The following BTD variants were observed in gnomAD, a reference collection of about 807,000 sequenced individuals.
BTD encodes biocytinase.
A neutral mutation model predicts 17.7 loss-of-function variants in BTD; 13 were observed. The ratio of observed to expected loss-of-function variants is 0.74; its 90% CI spans 0.48 to 1.17. The LOEUF (loss-of-function observed/expected upper bound fraction) is 1.17. Ranked by LOEUF, BTD falls within the 50% of genes most tolerant of loss-of-function variation. The pLI, the probability that BTD is intolerant of heterozygous loss-of-function variation, is 0.00. For synonymous variants in BTD, 240 were observed against 245.2 expected, an observed-to-expected ratio of 0.98 and a Z score of 0.20; for missense variants, 674 against 650.4, an observed-to-expected ratio of 1.04 and a Z score of -0.39.
intron 3 of BTD, among the ~76,000 whole-genome samples, chr3:15,706,711 A>T (rs987891276): frequency 1.3e-5 from 2 of 152,140 alleles, no homozygotes; most frequent in African/African-American, 4.8e-5. Context: ...CACCAACAGT[A>T]TAAAAGTGTT....
intron 2 of BTD, among the ~76,000 whole-genome samples, chr3:15,641,525 A>G (rs1034134890): frequency 5.9e-5 from 9 of 152,348 alleles, no homozygotes; most frequent in South Asian, 2.1e-4. Context: ...AATGGGCCCA[A>G]TGTATTCAAG....
intron 3 of BTD, among the ~76,000 whole-genome samples, chr3:15,692,946 G>A (rs111836451): frequency 0.019 from 2,926 of 152,178 alleles, 100 homozygotes; most frequent in African/African-American, 0.066. Context: ...AGGAAATTCA[G>A]CCACATGCTA....
chr3:15,679,318 G>A (rs375498237), intron 3 of BTD: 79 of 1,613,730 alleles, frequency 4.9e-5, no homozygotes, highest in Non-Finnish European at 6.3e-5. Context: ...TTGAATCTGT[G>A]GCGTTCACAA....
chr3:15,692,199 T>G (rs903769492), intron 3 of BTD, among the ~76,000 whole-genome samples: 1 of 147,546 alleles, frequency 6.8e-6, no homozygotes, highest in Non-Finnish European at 1.5e-5. Context: ...CACCTATATC[T>G]CAGCACTTTG....
chr3:15,625,208 T>C (rs937061603), intron 1 of BTD, among the ~76,000 whole-genome samples: 1 of 152,238 alleles, frequency 6.6e-6, no homozygotes, highest in Admixed American at 6.5e-5. Flanking sequence ...TTAGGGAGCC[T>C]GTGTTTATGG....
rs771896476 is a variant in BTD at position 15,649,508 on chromosome 3, C to T, written c.*4020C>T. 2.0e-5 allele frequency among the ~76,000 whole-genome samples: 3 copies of T among 152,244 alleles called. No homozygotes were observed. The highest frequency in any genetic ancestry group is 4.4e-5 in the Non-Finnish European group (3 of 68,048). On this transcript the variant is annotated 3_prime_UTR_variant, in exon 4 of 4. Transcript: ENST00000643237. ...AGCTCTCCCGTTTCTCACCTCCCAA[C>T]AGTTGCTGTTCCTCAGGCCAAAGTT...
rs368588816 is a variant in BTD at position 15,652,490 on chromosome 3, G to A, written c.*7002G>A. Among the ~76,000 whole-genome samples the A allele has an allele frequency of 3.9e-5, 6 of 152,284 alleles. No homozygotes were observed. The highest frequency in any genetic ancestry group is 1.4e-4 in the African/African-American group (6 of 41,556). On this transcript the variant is annotated 3_prime_UTR_variant, in exon 4 of 4. Transcript: ENST00000643237. ...TGCATGAGCGAGCCATGTTGGAAGT[G>A]GGTCCTCCAGCTGCAGTCAAGCTTC... is the stretch of plus-strand genomic sequence containing the variant.
At chr3:15,709,361 T>C (rs565697489) in intron 3 of BTD, among the ~76,000 whole-genome samples, 3 of 152,028 alleles carry the variant, frequency 2.0e-5, no homozygotes, top group African/African-American at 4.8e-5. Context: ...TGAAAAAACA[T>C]AGGTTCTATG....
chr3:15,636,621 C>G (rs2065356443), intron 2 of BTD, among the ~76,000 whole-genome samples: 1 of 152,210 alleles, frequency 6.6e-6, no homozygotes, highest in South Asian at 2.1e-4. Context: ...CTTTCCTGCT[C>G]TCTGTGAACT....
intron 4 of BTD, chr3:15,721,045 A>T: frequency 6.2e-7 from 1 of 1,613,938 alleles, no homozygotes. Flanking sequence ...ACCACAGTCT[A>T]TAAGTTCATT....
intron 3 of BTD, among the ~76,000 whole-genome samples, chr3:15,665,963 A>G (rs1183063469): frequency 6.6e-6 from 1 of 152,232 alleles, no homozygotes; most frequent in Non-Finnish European, 1.5e-5. Context: ...ATGTCAGCCA[A>G]TCTGCAGAGG....
At chr3:15,676,552 T>C (rs1237486935) in intron 3 of BTD, 1 of 165,664 alleles carries the variant, frequency 6.0e-6, no homozygotes, top group African/African-American at 2.4e-5. Flanking sequence ...TGTCAGTCTA[T>C]CTGGAGGTTG....
At chr3:15,661,434 T>A (rs1443859970) in intron 3 of BTD, among the ~76,000 whole-genome samples, 1 of 152,192 alleles carries the variant, frequency 6.6e-6, no homozygotes, top group Admixed American at 6.5e-5. Context: ...TTCATATGCT[T>A]ATTTGCCACC....
At chr3:15,663,031 C>A (rs2065941308) in intron 3 of BTD, among the ~76,000 whole-genome samples, 1 of 151,648 alleles carries the variant, frequency 6.6e-6, no homozygotes, top group African/African-American at 2.4e-5. Flanking sequence ...GAGTTTCGCT[C>A]TTGTCATCCA....
intron 3 of BTD, among the ~76,000 whole-genome samples, chr3:15,691,256 T>C (rs1182184470): frequency 2.6e-5 from 4 of 151,982 alleles, no homozygotes; most frequent in Admixed American, 2.0e-4. Flanking sequence ...CCCGAGTAGC[T>C]GGGATTACAG....
intron 3 of BTD, among the ~76,000 whole-genome samples, chr3:15,687,646 CCACAG>C (rs2068290436): frequency 2.0e-5 from 3 of 151,186 alleles, no homozygotes; most frequent in Non-Finnish European, 4.4e-5. Flanking sequence ...CAGTATGTTC[CCACAG>C]TTATATTAAA....
chr3:15,651,180 T>G lies in BTD; in HGVS notation c.*5692T>G, dbSNP rs2065796571. On this transcript the variant is annotated 3_prime_UTR_variant, in exon 4 of 4. Coordinates refer to ENST00000643237, the MANE Select transcript of BTD (RefSeq NM_001370658.1). ...CATGGATTGAGGGGTGGGGACTGTT[T>G]CCCAGGGGAACACTGGGACAGCGTT... Among the ~76,000 whole-genome samples, 2 of 152,202 alleles carry G rather than the reference T, an allele frequency of 1.3e-5. No homozygotes were observed. Among genetic ancestry groups the G allele is most frequent in the Admixed American group, 1.3e-4 (2 of 15,272 alleles).
rs553040917 is a variant in BTD, at chr3:15,630,259, AGAATGGCTCT to A, written c.-16-5163_-16-5154del. ...GGAAAAGCCATCCATTTACTGCTTA[AGAATGGCTCT>A]GCTATTGCGATACCTAAGGTCACAT... On this transcript the variant is annotated intron_variant, in intron 1 of 3. Transcript: ENST00000643237. 68 of 214,726 alleles carry A rather than the reference AGAATGGCTCT, an allele frequency of 3.2e-4. 1 individual carries two copies. In the South Asian group the frequency reaches 7.7e-3, roughly 24 times the overall value. 13.3% of individuals were successfully genotyped at this position (214,726 alleles called of 1,614,324 possible).
At chr3:15,620,975 C>T (rs1227416208) in intron 1 of BTD, among the ~76,000 whole-genome samples, 1 of 152,266 alleles carries the variant, frequency 6.6e-6, no homozygotes, top group Non-Finnish European at 1.5e-5. Flanking sequence ...CCTGAGAACC[C>T]AGGGGGCTGC....
Sources: allele counts gnomAD v4.1 joint callset (sites outside exome capture counted in the v4.1 genomes callset), GRCh38; gene constraint gnomAD v4.1.1; transcripts MANE v1.5; gene names NCBI Gene and HGNC (gene_info 2026-07-23, HGNC 2026-07-21).